Variants in P4HA1 observed in about 807,000 individuals in gnomAD.
P4HA1 encodes the protein prolyl 4-hydroxylase subunit alpha-1.
Under a neutral mutation model 72.8 loss-of-function variants are expected in P4HA1, and 24 were observed. The observed-to-expected ratio is 0.33, with a 90% confidence interval of 0.24 to 0.46. P4HA1 has a LOEUF of 0.46. Among genes scored for constraint, P4HA1 ranks in the 20% least tolerant of loss-of-function variants. The pLI is 1.00. For missense variants in P4HA1, 446 were observed against 640.6 expected, an observed-to-expected ratio of 0.70 and a Z score of 3.28; for synonymous variants, 201 against 218.8, an observed-to-expected ratio of 0.92 and a Z score of 0.72.
chr10:73,058,264 C>A (rs1307616496), intron 5 of P4HA1, among the ~76,000 whole-genome samples: 1 of 151,994 alleles, frequency 6.6e-6, no homozygotes, highest in African/African-American at 2.4e-5. Context: ...GGTGTGAAGA[C>A]AACAGTGACT....
At chr10:73,068,236 C>A (rs985787982) in intron 5 of P4HA1, among the ~76,000 whole-genome samples, 1 of 152,076 alleles carries the variant, frequency 6.6e-6, no homozygotes, top group African/African-American at 2.4e-5. Flanking sequence ...CGGAGAAAAT[C>A]AATTTCAATG....
At chr10:73,090,370 G>A (rs1413142980) in intron 1 of P4HA1, among the ~76,000 whole-genome samples, 1 of 152,154 alleles carries the variant, frequency 6.6e-6, no homozygotes, top group African/African-American at 2.4e-5. Context: ...CTGGGCTCAA[G>A]CAGTCCTCCT....
At chr10:73,094,203 A>G (rs1049369441) in intron 1 of P4HA1, among the ~76,000 whole-genome samples, 3 of 152,052 alleles carry the variant, frequency 2.0e-5, no homozygotes, top group Admixed American at 6.6e-5. Context: ...ACAACCTATT[A>G]ACTTTTGTTA....
At chr10:73,037,939 C>A (rs1275032202) in intron 9 of P4HA1, among the ~76,000 whole-genome samples, 1 of 151,928 alleles carries the variant, frequency 6.6e-6, no homozygotes, top group Admixed American at 6.6e-5. Context: ...TAAACAAAAT[C>A]TTAAGCCTAA....
At chr10:73,086,091 A>C (rs1019523572) in intron 1 of P4HA1, among the ~76,000 whole-genome samples, 1 of 152,236 alleles carries the variant, frequency 6.6e-6, no homozygotes, top group Non-Finnish European at 1.5e-5. Flanking sequence ...TAAAAACGTA[A>C]AATGAGGCAG....
At chr10:73,027,204 T>G (rs1334647367) in intron 10 of P4HA1, among the ~76,000 whole-genome samples, 3 of 152,098 alleles carry the variant, frequency 2.0e-5, no homozygotes, top group Non-Finnish European at 4.4e-5. Context: ...AACCCAAATG[T>G]CCATCAATAA....
chr10:73,010,936 T>A (rs1839898889), intron 13 of P4HA1, 33 bp downstream of exon 13: 2 of 1,551,616 alleles, frequency 1.3e-6, no homozygotes, highest in East Asian at 4.5e-5. Flanking sequence ...AGGGAAAAAA[T>A]TAATAAACCA....
intron 5 of P4HA1, among the ~76,000 whole-genome samples, chr10:73,058,169 G>A (rs1310260639): frequency 6.7e-6 from 1 of 150,332 alleles, no homozygotes; most frequent in African/African-American, 2.4e-5. Context: ...AAAAAAGAAA[G>A]GGGATGGTCA....
At chr10:73,040,918 G>GT (rs554670328) in intron 9 of P4HA1, among the ~76,000 whole-genome samples, 7 of 151,904 alleles carry the variant, frequency 4.6e-5, no homozygotes, top group East Asian at 1.9e-4. Flanking sequence ...TAAAGAAGGG[G>GT]TTTTTTGTAG....
chr10:73,077,739 G>A (rs1435358157), intron 1 of P4HA1, among the ~76,000 whole-genome samples: 2 of 151,896 alleles, frequency 1.3e-5, no homozygotes, highest in Non-Finnish European at 2.9e-5. Flanking sequence ...CCAGTACTTT[G>A]GGAGGCCAAG....
chr10:73,054,316 A>G (rs751839361), intron 5 of P4HA1, among the ~76,000 whole-genome samples: 1 of 152,212 alleles, frequency 6.6e-6, no homozygotes, highest in African/African-American at 2.4e-5. Context: ...AACAGCATTA[A>G]TATGTCATTT....
chr10:73,064,302 C>G (rs1046934371), intron 5 of P4HA1, among the ~76,000 whole-genome samples: 2 of 152,016 alleles, frequency 1.3e-5, no homozygotes, highest in African/African-American at 4.8e-5. Flanking sequence ...TGGCAAAACC[C>G]TGTCTCTACA....
At chr10:73,041,534 C>A (rs1414678117) in intron 9 of P4HA1, among the ~76,000 whole-genome samples, 1 of 148,562 alleles carries the variant, frequency 6.7e-6, no homozygotes. Flanking sequence ...CAGAGCAAGA[C>A]TCCATCCCCC....
chr10:73,029,719 C>G (rs1840390228), intron 10 of P4HA1, among the ~76,000 whole-genome samples: 3 of 151,148 alleles, frequency 2.0e-5, no homozygotes, highest in Admixed American at 6.6e-5. Context: ...ACTAACATTC[C>G]TATATATACC....
chr10:73,070,879 C>T (rs982552201), intron 4 of P4HA1, among the ~76,000 whole-genome samples: 1 of 152,036 alleles, frequency 6.6e-6, no homozygotes, highest in Non-Finnish European at 1.5e-5. Flanking sequence ...ATATCGATTT[C>T]CTTTAAAAAA....
At chr10:73,028,955 G>A (rs377252038) in intron 10 of P4HA1, among the ~76,000 whole-genome samples, 7 of 152,058 alleles carry the variant, frequency 4.6e-5, no homozygotes, top group African/African-American at 1.7e-4. Context: ...TGAGGCAGGA[G>A]AATCACTTGA....
At chr10:73,013,387 T>G (rs996250896) in intron 12 of P4HA1, among the ~76,000 whole-genome samples, 2 of 152,270 alleles carry the variant, frequency 1.3e-5, no homozygotes, top group African/African-American at 4.8e-5. Context: ...CCAGTCACTA[T>G]GCTGTGAAGA....
At chr10:73,065,759 T>G (rs1429083346) in intron 5 of P4HA1, among the ~76,000 whole-genome samples, 2 of 152,106 alleles carry the variant, frequency 1.3e-5, no homozygotes, top group East Asian at 3.8e-4. Context: ...CGTGAGTACA[T>G]GGCCACAAAA....
Position 73,046,465 on chromosome 10 carries a change from T to C in P4HA1, c.1077+460A>G, listed in dbSNP as rs562746218. On this transcript the variant is annotated intron_variant, in intron 8 of 14. Transcript: ENST00000394890. Reference sequence around the variant, plus strand: ...GGTTAAAGTCAGAAAACTATCACCATTTCAAATTAACATAATACTTGTGCC... The same window carrying C: ...GGTTAAAGTCAGAAAACTATCACCACTTCAAATTAACATAATACTTGTGCC... Among the ~76,000 whole-genome samples, 3 of 152,326 alleles carry C rather than the reference T, an allele frequency of 2.0e-5. No individual in the cohort carries two copies. In the South Asian group the frequency reaches 6.2e-4, roughly 32 times the overall value.
Sources: gnomAD v4.1 joint callset for allele counts (sites outside exome capture counted in the v4.1 genomes callset) on GRCh38, gnomAD v4.1.1 for gene constraint, MANE v1.5 for transcripts, NCBI Gene and HGNC (gene_info 2026-07-23, HGNC 2026-07-21) for gene names.